The following NKAIN3 variants were observed in gnomAD, a reference collection of about 807,000 sequenced individuals.
The protein encoded by NKAIN3 is sodium/potassium transporting ATPase interacting 3.
A neutral mutation model predicts 30.2 loss-of-function variants in NKAIN3; 25 were observed. The ratio of observed to expected loss-of-function variants is 0.83; its 90% CI spans 0.60 to 1.16. The LOEUF (loss-of-function observed/expected upper bound fraction) is 1.16. Among genes scored for constraint, NKAIN3 ranks in the 50% most tolerant of loss-of-function variants. The probability of loss-of-function intolerance (pLI) is 0.00; values close to 1 mark genes in which losing one functional copy is unlikely to be tolerated. For synonymous variants in NKAIN3, 91 were observed against 89.6 expected (o/e 1.02, Z -0.09); for missense variants, 225 against 254.1 (o/e 0.89, Z 0.78).
At chr8:62,814,615 C>G (rs1818616527) in intron 4 of NKAIN3, among the ~76,000 whole-genome samples, 1 of 152,046 alleles carries the variant, frequency 6.6e-6, no homozygotes, top group African/African-American at 2.4e-5. Flanking sequence ...ACTGAACAAC[C>G]TGCTCCTGAA....
At chr8:62,321,802 T>C (rs540995045) in intron 1 of NKAIN3, among the ~76,000 whole-genome samples, 162 of 152,298 alleles carry the variant, frequency 1.1e-3, no homozygotes, top group African/African-American at 3.6e-3. Flanking sequence ...AGGCAGTCTG[T>C]CCATTCTCAG....
At chr8:62,737,766 T>C (rs1192322710) in intron 3 of NKAIN3, among the ~76,000 whole-genome samples, 1 of 152,210 alleles carries the variant, frequency 6.6e-6, no homozygotes, top group East Asian at 1.9e-4. Context: ...ATCTATGGTG[T>C]TGGCTATAGT....
intron 1 of NKAIN3, among the ~76,000 whole-genome samples, chr8:62,541,626 T>G (rs926546585): frequency 4.6e-5 from 7 of 152,152 alleles, no homozygotes; most frequent in African/African-American, 1.7e-4. Flanking sequence ...ATTTTGATAT[T>G]GCACCACTCA....
At chr8:62,276,324 C>T (rs1812959350) in intron 1 of NKAIN3, among the ~76,000 whole-genome samples, 1 of 152,122 alleles carries the variant, frequency 6.6e-6, no homozygotes, top group South Asian at 2.1e-4. Flanking sequence ...CCTTGGCCTC[C>T]CAAATTGCTG....
At chr8:62,353,405 C>T (rs964182607) in intron 1 of NKAIN3, among the ~76,000 whole-genome samples, 1 of 152,122 alleles carries the variant, frequency 6.6e-6, no homozygotes, top group African/African-American at 2.4e-5. Context: ...CCCAGGCTGC[C>T]AACACTGAAA....
chr8:62,886,756 T>TATCA (rs1434251604), intron 4 of NKAIN3, among the ~76,000 whole-genome samples: 1 of 152,170 alleles, frequency 6.6e-6, no homozygotes. Context: ...CCCATCAACC[T>TATCA]ATCATCTAGG....
chr8:62,854,689 A>G (rs1820009313), intron 4 of NKAIN3, among the ~76,000 whole-genome samples: 1 of 152,094 alleles, frequency 6.6e-6, no homozygotes, highest in Non-Finnish European at 1.5e-5. Context: ...CATGTAGCTC[A>G]TTTACATTTA....
chr8:62,822,471 T>C (rs1230625538), intron 4 of NKAIN3, among the ~76,000 whole-genome samples: 2 of 152,312 alleles, frequency 1.3e-5, no homozygotes, highest in South Asian at 4.1e-4. Context: ...TCTTAAGTAT[T>C]AGAATGAAAG....
intron 3 of NKAIN3, among the ~76,000 whole-genome samples, chr8:62,745,939 T>C (rs1644658065): frequency 1.3e-5 from 2 of 152,216 alleles, no homozygotes; most frequent in South Asian, 2.1e-4. Context: ...TATGCTACCA[T>C]GGACAAATTA....
intron 3 of NKAIN3, among the ~76,000 whole-genome samples, chr8:62,746,594 T>A (rs1816078507): frequency 6.6e-6 from 1 of 152,232 alleles, no homozygotes; most frequent in African/African-American, 2.4e-5. Context: ...ATATTCATGA[T>A]GTTGCAGCAA....
At chr8:62,539,133 T>A (rs149826730) in intron 1 of NKAIN3, among the ~76,000 whole-genome samples, 48 of 152,326 alleles carry the variant, frequency 3.2e-4, no homozygotes, top group African/African-American at 1.1e-3. Context: ...TCCTGAAACG[T>A]GTTTATCATT....
intron 3 of NKAIN3, among the ~76,000 whole-genome samples, chr8:62,707,760 A>G (rs1157380955): frequency 6.6e-6 from 1 of 151,840 alleles, no homozygotes; most frequent in Non-Finnish European, 1.5e-5. Flanking sequence ...TTTGTTTTTG[A>G]TGCATTTGCT....
intron 3 of NKAIN3, among the ~76,000 whole-genome samples, chr8:62,709,573 G>A (rs746588593): frequency 3.3e-5 from 5 of 151,972 alleles, no homozygotes; most frequent in Non-Finnish European, 7.4e-5. Context: ...AATATCCACC[G>A]TTTTGTTTCT....
At chr8:62,262,724 C>T (rs1247146541) in intron 1 of NKAIN3, among the ~76,000 whole-genome samples, 1 of 152,086 alleles carries the variant, frequency 6.6e-6, no homozygotes, top group Non-Finnish European at 1.5e-5. Context: ...GCTCTTCCCG[C>T]ACGTGGTTCT....
chr8:62,674,331 T>G (rs1813405277), intron 3 of NKAIN3, among the ~76,000 whole-genome samples: 1 of 152,206 alleles, frequency 6.6e-6, no homozygotes, highest in South Asian at 2.1e-4. Context: ...CAGCAGTCCT[T>G]GTTTATTTCC....
At chr8:62,722,093 T>C (rs1815112008) in intron 3 of NKAIN3, among the ~76,000 whole-genome samples, 1 of 152,206 alleles carries the variant, frequency 6.6e-6, no homozygotes, top group Non-Finnish European at 1.5e-5. Context: ...TGTTTTAAGA[T>C]TAGCCACTAT....
At chr8:62,365,042 A>G (rs1816695655) in intron 1 of NKAIN3, among the ~76,000 whole-genome samples, 1 of 152,082 alleles carries the variant, frequency 6.6e-6, no homozygotes, top group Non-Finnish European at 1.5e-5. Flanking sequence ...GTAATTTTCT[A>G]AAGATATTAC....
intron 1 of NKAIN3, among the ~76,000 whole-genome samples, chr8:62,355,603 A>T (rs1816323342): frequency 6.6e-6 from 1 of 152,140 alleles, no homozygotes. Context: ...AGTCTTAGGG[A>T]TGTAGATGAA....
At chr8:62,321,066 A>T (rs1463432313) in intron 1 of NKAIN3, among the ~76,000 whole-genome samples, 1 of 151,608 alleles carries the variant, frequency 6.6e-6, no homozygotes, top group African/African-American at 2.4e-5. Flanking sequence ...TTCTCTTCTC[A>T]CTTCATTTCA....
Sources: allele counts gnomAD v4.1 joint callset (sites outside exome capture counted in the v4.1 genomes callset), GRCh38; gene constraint gnomAD v4.1.1; transcripts MANE v1.5; gene names NCBI Gene and HGNC (gene_info 2026-07-23, HGNC 2026-07-21).